The following SEPHS1 variants were observed in gnomAD, a reference collection of about 807,000 sequenced individuals.
SEPHS1 encodes the protein selenophosphate synthetase 1, also known as zincore component SEPHS1.
A neutral mutation model predicts 39.2 loss-of-function variants in SEPHS1; 7 were observed. That is an observed-to-expected ratio of 0.18 (90% confidence interval 0.10 to 0.34). SEPHS1 has a LOEUF of 0.34. Ranked by LOEUF, SEPHS1 falls within the 10% of genes least tolerant of loss-of-function variation. The probability of loss-of-function intolerance (pLI) is 1.00; values close to 1 mark genes in which losing one functional copy is unlikely to be tolerated. For synonymous variants in SEPHS1, 190 were observed against 195.5 expected, an observed-to-expected ratio of 0.97 and a Z score of 0.23; for missense variants, 253 against 514.5, an observed-to-expected ratio of 0.49 and a Z score of 4.92.
At chr10:13,319,631 G>C (rs531054413) in intron 8 of SEPHS1, among the ~76,000 whole-genome samples, 1 of 152,228 alleles carries the variant, frequency 6.6e-6, no homozygotes, top group Admixed American at 6.6e-5. Flanking sequence ...GTGATTACAA[G>C]TGTGCACCAC....
chr10:13,331,909 G>A lies in SEPHS1; in HGVS notation c.560+1908C>T, dbSNP rs547906885. Reference sequence around the variant, plus strand: ...CAGACAGGAAAACAAGTACTGGAGGGGTCATAGAGAAATTGGAATCCTCAT... The same window carrying A: ...CAGACAGGAAAACAAGTACTGGAGGAGTCATAGAGAAATTGGAATCCTCAT... On this transcript the variant is annotated intron_variant, in intron 5 of 8. Coordinates refer to ENST00000327347, the MANE Select transcript of SEPHS1 (RefSeq NM_012247.5). 1.4e-4 allele frequency among the ~76,000 whole-genome samples: 21 copies of A among 152,318 alleles called. No homozygotes were observed. In the East Asian group the frequency reaches 1.9e-3, roughly 14 times the overall value.
chr10:13,346,498 A>C (rs1209819129), intron 1 of SEPHS1, among the ~76,000 whole-genome samples: 1 of 152,206 alleles, frequency 6.6e-6, no homozygotes, highest in African/African-American at 2.4e-5. Flanking sequence ...AAACGTAACA[A>C]CTGAGCAGGA....
intron 3 of SEPHS1, among the ~76,000 whole-genome samples, chr10:13,338,079 G>T (rs75863766): frequency 6.6e-6 from 1 of 152,072 alleles, no homozygotes; most frequent in Non-Finnish European, 1.5e-5. Context: ...CTGCAACTAC[G>T]CAGTAAACAA....
At chr10:13,329,868 A>G (rs1326797381) in intron 5 of SEPHS1, 80 bp from the exon 6 acceptor site, 1 of 1,171,600 alleles carries the variant, frequency 8.5e-7, no homozygotes, top group Non-Finnish European at 1.2e-6. Flanking sequence ...GAGAAGGAAT[A>G]ATCTGTCAAA....
At chr10:13,332,448 C>A (rs1165678428) in intron 5 of SEPHS1, among the ~76,000 whole-genome samples, 1 of 152,130 alleles carries the variant, frequency 6.6e-6, no homozygotes, top group African/African-American at 2.4e-5. Flanking sequence ...GTGATGGGTG[C>A]ACAACCTTGT....
At chr10:13,334,066 A>G (rs1262179973) in intron 4 of SEPHS1, 95 bp from the exon 5 acceptor site, 3 of 1,151,358 alleles carry the variant, frequency 2.6e-6, no homozygotes, top group Middle Eastern at 2.1e-4. Context: ...AAAGAACCAT[A>G]AAATCCTAAA....
intron 4 of SEPHS1, among the ~76,000 whole-genome samples, chr10:13,335,709 G>A (rs1271630000): frequency 6.6e-6 from 1 of 151,496 alleles, no homozygotes; most frequent in African/African-American, 2.4e-5. Flanking sequence ...GCCGGGCACG[G>A]TGTTTCACGC....
At chr10:13,347,599 G>A (rs1193411879) in intron 1 of SEPHS1, among the ~76,000 whole-genome samples, 3 of 147,100 alleles carry the variant, frequency 2.0e-5, no homozygotes, top group Admixed American at 1.3e-4. Flanking sequence ...GCGGAGAAAA[G>A]GGGAGGCGGG....
chr10:13,339,419 A>G (rs1564451990), intron 2 of SEPHS1, among the ~76,000 whole-genome samples: 2 of 152,180 alleles, frequency 1.3e-5, no homozygotes, highest in Non-Finnish European at 2.9e-5. Flanking sequence ...ATGTCAGAGG[A>G]GTCCCAAGAC....
At chr10:13,333,187 G>A (rs1164523284) in intron 5 of SEPHS1, among the ~76,000 whole-genome samples, 1 of 150,974 alleles carries the variant, frequency 6.6e-6, no homozygotes, top group Non-Finnish European at 1.5e-5. Flanking sequence ...AGGCTGGAGT[G>A]CAGTGGCGCG....
rs1383190424 is a variant in SEPHS1, at chr10:13,348,099, A to G, written c.-178T>C. 1 of 144,742 alleles carries G rather than the reference A, an allele frequency of 6.9e-6. No individual in the cohort carries two copies. The highest frequency in any genetic ancestry group is 1.5e-5 in the Non-Finnish European group (1 of 65,640). The allele number at this position is 144,742 out of a possible 1,614,324, so 9.0% of individuals were successfully genotyped here. The stretch of plus-strand genomic sequence containing the variant: ...GGGCTCCCTTAAGCGTCGCCTGAAT[A>G]AAAATGCCGCGCCCGGCGGCGGCGG... On this transcript the variant is annotated 5_prime_UTR_variant, in exon 1 of 9. Coordinates refer to ENST00000327347, the MANE Select transcript of SEPHS1 (RefSeq NM_012247.5).
At position 13,328,205 on chromosome 10, in the gene SEPHS1, T is replaced by C. The variant is rs904065630; in HGVS notation, c.751+146A>G. The C allele has an allele frequency of 5.1e-6, 3 of 594,016 alleles. No homozygotes were observed. In the African/African-American group the frequency reaches 5.7e-5, roughly 11 times the overall value. 36.8% of individuals were successfully genotyped at this position (594,016 alleles called of 1,614,324 possible). On this transcript the variant is annotated intron_variant, in intron 7 of 8. Coordinates refer to ENST00000327347, the MANE Select transcript of SEPHS1 (RefSeq NM_012247.5). ...GGACCATCTGCAGTGATCTATGGAA[T>C]GCCAACCTGGTACCAGGAGAAGACG...
chr10:13,345,813 G>A (rs533293791), intron 1 of SEPHS1, among the ~76,000 whole-genome samples: 7 of 152,204 alleles, frequency 4.6e-5, no homozygotes, highest in Non-Finnish European at 1.0e-4. Flanking sequence ...GGAGGCGGAG[G>A]TTGCAGTGAG....
At chr10:13,346,427 G>C (rs12569988) in intron 1 of SEPHS1, among the ~76,000 whole-genome samples, 2 of 152,106 alleles carry the variant, frequency 1.3e-5, no homozygotes, top group South Asian at 4.1e-4. Flanking sequence ...CCCGAGTTTG[G>C]GCAGTAATCC....
chr10:13,328,485 G>A (rs770318932), intron 6 of SEPHS1, 35 bp from the exon 7 acceptor site: 1 of 1,419,092 alleles, frequency 7.0e-7, no homozygotes, highest in South Asian at 1.2e-5. Context: ...GAGAGAAAGA[G>A]AGGAAAATGT....
chr10:13,321,751 T>A (rs1833124701), intron 8 of SEPHS1, among the ~76,000 whole-genome samples: 1 of 151,734 alleles, frequency 6.6e-6, no homozygotes, highest in Non-Finnish European at 1.5e-5. Context: ...GCTGCGGGAG[T>A]GGGAATGAGC....
intron 2 of SEPHS1, among the ~76,000 whole-genome samples, chr10:13,339,612 T>C (rs1403982022): frequency 6.6e-6 from 1 of 151,738 alleles, no homozygotes; most frequent in East Asian, 2.0e-4. Context: ...TGAGGACAGC[T>C]GTTCCTTGGT....
intron 8 of SEPHS1, among the ~76,000 whole-genome samples, chr10:13,321,624 C>T (rs2181839): frequency 0.23 from 34,674 of 151,608 alleles, 5,342 homozygotes; most frequent in East Asian, 0.65. Context: ...AGAGAGAAAC[C>T]GAAAAAAAGG....
At chr10:13,338,644 C>T in intron 3 of SEPHS1, 61 bp downstream of exon 3, 1 of 1,367,206 alleles carries the variant, frequency 7.3e-7, no homozygotes, top group Non-Finnish European at 1.0e-6. Context: ...AAACCCCAGC[C>T]ACAACCCAAA....
Sources: gnomAD v4.1 joint callset for allele counts (sites outside exome capture counted in the v4.1 genomes callset) on GRCh38, gnomAD v4.1.1 for gene constraint, MANE v1.5 for transcripts, NCBI Gene and HGNC (gene_info 2026-07-23, HGNC 2026-07-21) for gene names.